Variants in DRC8 observed in about 807,000 individuals in gnomAD.
The protein encoded by DRC8 is dynein regulatory complex subunit 8, also known as dynein regulatory complex protein 8.
the DRC8 span, among the ~76,000 whole-genome samples, chr1:245,025,977 T>C: frequency 2.0e-5 from 3 of 152,210 alleles, no homozygotes; most frequent in Non-Finnish European, 4.4e-5. Flanking sequence ...CTTTATAAAT[T>C]ACCCAGTCTC....
chr1:245,047,722 G>A, the DRC8 span, among the ~76,000 whole-genome samples: 140,950 of 151,634 alleles, frequency 0.93, 66,194 homozygotes, highest in Non-Finnish European at 1. Flanking sequence ...TCCCAGCACT[G>A]GCACTTTGGA....
At chr1:245,119,671 C>T in the DRC8 span, among the ~76,000 whole-genome samples, 40 of 148,904 alleles carry the variant, frequency 2.7e-4, no homozygotes, top group African/African-American at 9.2e-4. Flanking sequence ...CGGTGGCTCA[C>T]GCCTGTAATC....
the DRC8 span, among the ~76,000 whole-genome samples, chr1:245,097,044 A>G: frequency 6.6e-6 from 1 of 152,200 alleles, no homozygotes; most frequent in African/African-American, 2.4e-5. The surrounding 1 kb of genome is among the most constrained non-coding windows in gnomAD (Gnocchi z 5.0). Flanking sequence ...TTTTCTCTAT[A>G]TAGTAAATAT....
chr1:245,023,614 A>C, the DRC8 span, among the ~76,000 whole-genome samples: 244 of 152,276 alleles, frequency 1.6e-3, 2 homozygotes, highest in African/African-American at 5.7e-3. Flanking sequence ...CTGGGTGTGA[A>C]ATGGTATCTC....
chr1:245,082,163 G>GT, the DRC8 span: 1 of 1,608,562 alleles, frequency 6.2e-7, no homozygotes, highest in Non-Finnish European at 8.5e-7. Context: ...TAGAAAGAAA[G>GT]TAAGTAAGTA....
the DRC8 span, among the ~76,000 whole-genome samples, chr1:245,090,251 G>A: frequency 1.2e-4 from 19 of 152,188 alleles, no homozygotes; most frequent in Non-Finnish European, 2.6e-4. Context: ...GTGACAGATG[G>A]GAGGGGGTGA....
the DRC8 span, among the ~76,000 whole-genome samples, chr1:245,030,483 C>CA: frequency 6.6e-6 from 1 of 152,134 alleles, no homozygotes; most frequent in Non-Finnish European, 1.5e-5. Flanking sequence ...TAAGGAATAG[C>CA]AAAAAGTCCC....
the DRC8 span, chr1:245,059,588 T>G: frequency 1.5e-6 from 1 of 650,134 alleles, no homozygotes; most frequent in South Asian, 2.3e-5. Flanking sequence ...GTGGAAATAT[T>G]AGGATAACTA....
chr1:244,970,701 C>A, the DRC8 span: 1 of 480,280 alleles, frequency 2.1e-6, no homozygotes, highest in Non-Finnish European at 3.6e-6. Context: ...TCTTCCCTCC[C>A]TCTTCTCTCT....
At chr1:244,994,336 T>G in the DRC8 span, among the ~76,000 whole-genome samples, 1 of 152,228 alleles carries the variant, frequency 6.6e-6, no homozygotes, top group Non-Finnish European at 1.5e-5. Context: ...AATCTTATTG[T>G]CCATTAGACA....
At chr1:245,090,024 G>T in the DRC8 span, among the ~76,000 whole-genome samples, 2 of 152,160 alleles carry the variant, frequency 1.3e-5, no homozygotes, top group Non-Finnish European at 2.9e-5. Context: ...CCCATGTAAG[G>T]ATTTTCAAGA....
the DRC8 span, among the ~76,000 whole-genome samples, chr1:245,081,810 C>T: frequency 6.6e-6 from 1 of 152,206 alleles, no homozygotes; most frequent in African/African-American, 2.4e-5. Context: ...CATGCTCCTT[C>T]CCCTCACTGT....
At chr1:245,008,433 G>A in the DRC8 span, among the ~76,000 whole-genome samples, 3 of 152,086 alleles carry the variant, frequency 2.0e-5, no homozygotes, top group Admixed American at 1.3e-4. Context: ...GGTGGAACTT[G>A]AGCTTGCTTC....
At chr1:245,020,413 C>T in the DRC8 span, among the ~76,000 whole-genome samples, 1 of 151,990 alleles carries the variant, frequency 6.6e-6, no homozygotes, top group African/African-American at 2.4e-5. Context: ...TCCGTGACTG[C>T]GAGTCACTTT....
At chr1:245,029,627 G>A in the DRC8 span, among the ~76,000 whole-genome samples, 3 of 142,054 alleles carry the variant, frequency 2.1e-5, no homozygotes, top group Non-Finnish European at 3.0e-5. Context: ...AAGGAATCTC[G>A]CTCTGTCACC....
the DRC8 span, among the ~76,000 whole-genome samples, chr1:245,031,762 C>T: frequency 0.28 from 43,033 of 151,732 alleles, 6,362 homozygotes; most frequent in Middle Eastern, 0.36. Context: ...CTGTCCCAGG[C>T]GGAAGTTGGT....
chr1:245,088,636 G>A, the DRC8 span, among the ~76,000 whole-genome samples: 1 of 152,234 alleles, frequency 6.6e-6, no homozygotes, highest in African/African-American at 2.4e-5. This position sits in a 1 kb window ranked among gnomAD's most constrained non-coding sequence, Gnocchi z 4.6. Flanking sequence ...TCAGGGTCCC[G>A]TGCAAGTGCC....
the DRC8 span, among the ~76,000 whole-genome samples, chr1:245,064,484 A>G: frequency 6.6e-6 from 1 of 152,148 alleles, no homozygotes. Flanking sequence ...GATCTTTGTG[A>G]TATTTCTGGG....
chr1:245,081,760 C>T, the DRC8 span, among the ~76,000 whole-genome samples: 4 of 152,188 alleles, frequency 2.6e-5, no homozygotes, highest in African/African-American at 4.8e-5. Flanking sequence ...TGAGCCACCA[C>T]GCCCGGCCGA....
Sources: allele counts gnomAD v4.1 joint callset (sites outside exome capture counted in the v4.1 genomes callset), GRCh38; gene constraint gnomAD v4.1.1; non-coding constraint Gnocchi (gnomAD v3.1); transcripts MANE v1.5; gene names NCBI Gene and HGNC (gene_info 2026-07-23, HGNC 2026-07-21).